The following TCFL5 variants were observed in gnomAD, a reference collection of about 807,000 sequenced individuals.
The protein encoded by TCFL5 is transcription factor-like 5 protein.
In TCFL5, 9 loss-of-function variants were observed where a neutral mutation model predicts 44.3. The observed-to-expected ratio is 0.20, with a 90% CI of 0.12 to 0.35. TCFL5 has a LOEUF of 0.35. TCFL5 is among the 10% of genes least tolerant of loss of function. TCFL5 has a pLI of 1.00. For missense variants in TCFL5, 603 were observed against 613.4 expected (o/e 0.98, Z 0.18); for synonymous variants, 319 against 271.6 (o/e 1.17, Z -1.72).
At chr20:62,851,029 G>C (rs2063803615) in intron 5 of TCFL5, among the ~76,000 whole-genome samples, 1 of 152,226 alleles carries the variant, frequency 6.6e-6, no homozygotes, top group Non-Finnish European at 1.5e-5. Context: ...ACCTTCAGCA[G>C]TGCCTGGTCA....
Position 62,857,378 on chromosome 20 carries a change from G to C in TCFL5, c.1238+17C>G, listed in dbSNP as rs201705784. 14 of 1,612,342 alleles carry C rather than the reference G, an allele frequency of 8.7e-6. No individual in the cohort carries two copies. The highest frequency in any genetic ancestry group is 1.2e-5 in the Non-Finnish European group (14 of 1,178,834). ...AATCATATATGAGTCAGCCTGACAA[G>C]CAGTCACACGTATTACCTTCTATCT... On this transcript the variant is annotated intron_variant, in intron 4 of 5. Transcript: ENST00000335351.
intron 1 of TCFL5, among the ~76,000 whole-genome samples, chr20:62,860,694 C>A (rs1274073300): frequency 6.6e-6 from 1 of 152,208 alleles, no homozygotes; most frequent in Non-Finnish European, 1.5e-5. Flanking sequence ...AGCCTGCAAA[C>A]CCCCGTCGGG....
intron 5 of TCFL5, among the ~76,000 whole-genome samples, chr20:62,843,199 T>C (rs981412750): frequency 6.6e-6 from 1 of 152,168 alleles, no homozygotes; most frequent in African/African-American, 2.4e-5. Context: ...TTAAAAACTA[T>C]CAACCAAATG....
chr20:62,857,645 G>C lies in TCFL5; in HGVS notation c.995-7C>G. ...TGTTTGCATAGCGCTGCTTCTTTGC[G>C]AAAGAAGAAAAAAGTGGTTTTTAAT... is the stretch of plus-strand genomic sequence containing the variant. On this transcript the variant is annotated splice_region_variant and splice_polypyrimidine_tract_variant and intron_variant, in intron 3 of 5. Transcript: ENST00000335351. 2 of 1,599,852 alleles carry C rather than the reference G, an allele frequency of 1.3e-6. No homozygotes were observed. Among genetic ancestry groups the C allele is most frequent in the Non-Finnish European group, 1.7e-6 (2 of 1,173,458 alleles).
Position 62,844,571 on chromosome 20 carries a change from G to T in TCFL5, c.1381-2474C>A, listed in dbSNP as rs1201194124. On this transcript the variant is annotated intron_variant, in intron 5 of 5. Transcript: ENST00000335351. ...CAACATTTTTTTTCTGTTTTTTTTT[G>T]TTTGTTTTTTGTTTTTTTTTTTTTG... 5.1e-4 allele frequency among the ~76,000 whole-genome samples: 70 copies of T among 136,598 alleles called. No individual in the cohort carries two copies. The Middle Eastern group carries it at 0.011, about 21-fold the overall frequency. 89.6% of individuals were successfully genotyped at this position (136,598 alleles called of 152,430 possible). A position where few individuals can be genotyped will look rare whatever the true frequency, so the allele number is the denominator to read the frequency against.
At chr20:62,848,068 C>A (rs1485754861) in intron 5 of TCFL5, among the ~76,000 whole-genome samples, 2 of 152,240 alleles carry the variant, frequency 1.3e-5, no homozygotes, top group Non-Finnish European at 2.9e-5. Context: ...GGAGAAGTCA[C>A]AGCGTGTCCG....
At chr20:62,856,086 T>C (rs1357432339) in intron 4 of TCFL5, among the ~76,000 whole-genome samples, 1 of 150,592 alleles carries the variant, frequency 6.6e-6, no homozygotes, top group Non-Finnish European at 1.5e-5. Flanking sequence ...TCATCTCTAC[T>C]AAAAGGTACA....
chr20:62,843,175 G>A (rs2063699029), intron 5 of TCFL5, among the ~76,000 whole-genome samples: 1 of 152,152 alleles, frequency 6.6e-6, no homozygotes, highest in Non-Finnish European at 1.5e-5. Context: ...GAACTATTAC[G>A]GGTTAAGATA....
intron 4 of TCFL5, among the ~76,000 whole-genome samples, chr20:62,856,351 T>C (rs1258581642): frequency 2.0e-5 from 3 of 149,858 alleles, no homozygotes; most frequent in Admixed American, 6.6e-5. Context: ...ACAAATAAAA[T>C]CTACAGACAA....
intron 1 of TCFL5, among the ~76,000 whole-genome samples, chr20:62,860,568 G>A (rs1308616913): frequency 2.6e-5 from 4 of 152,214 alleles, no homozygotes; most frequent in Admixed American, 1.3e-4. Flanking sequence ...GTGTGACCAC[G>A]ATGGGCAACT....
In TCFL5 at chr20:62,841,715, AATT is replaced by A. The variant is rs1568770935; in HGVS notation, c.*257_*259del. 7.2e-6 allele frequency: 2 copies of A among 276,174 alleles called. No homozygotes were observed. The highest frequency in any genetic ancestry group is 6.7e-5 in the East Asian group (1 of 14,868). 17.1% of individuals were successfully genotyped at this position (276,174 alleles called of 1,614,324 possible). A position where few individuals can be genotyped will look rare whatever the true frequency, so the allele number is the denominator to read the frequency against. On this transcript the variant is annotated 3_prime_UTR_variant, in exon 6 of 6. Transcript: ENST00000335351. The stretch of plus-strand genomic sequence containing the variant: ...TCAGAGCATTGAGAAAATGCTTACT[AATT>A]ATTACTAATTAATTATTACTAATTA...
Position 62,858,421 on chromosome 20 carries a change from G to C in TCFL5, c.995-783C>G, listed in dbSNP as rs577610946. 3.0e-4 allele frequency among the ~76,000 whole-genome samples: 45 copies of C among 152,374 alleles called. 1 individual carries two copies. The South Asian group carries it at 8.3e-3, about 28-fold the overall frequency. On this transcript the variant is annotated intron_variant, in intron 3 of 5. Transcript: ENST00000335351. ...TTCCTTAACCTGAGTAGTCGGCACA[G>C]AGGCTGCTTTAATACTCATCTTTGT...
chr20:62,861,050 G>T lies in TCFL5; in HGVS notation c.621C>A (p.Pro207=), dbSNP rs984862009. The T allele has an allele frequency of 2.7e-4, 269 of 995,338 alleles. 1 individual carries two copies. The highest frequency in any genetic ancestry group is 7.3e-4 in the Admixed American group (12 of 16,356). The allele number at this position is 995,338 out of a possible 1,614,324, so 61.7% of individuals were successfully genotyped here. A position where few individuals can be genotyped will look rare whatever the true frequency, so the allele number is the denominator to read the frequency against. Residue 207 remains proline, a synonymous_variant, in exon 1 of 6, where the codon CCC becomes CCA. Coordinates refer to ENST00000335351, the MANE Select transcript of TCFL5 (RefSeq NM_006602.4). The surrounding 1 kb of genome is among the most constrained non-coding windows in gnomAD (Gnocchi z 4.0). ...EPPPAPRGPE[P]PEPGGALNNL... ...TGTTGAGCGCCCCGCCCGGCTCGGG[G>T]GGCTCGGGGCCGCGCGGCGCGGGCG... is the stretch of plus-strand genomic sequence containing the variant.
chr20:62,859,034 A>G (rs761495429), intron 3 of TCFL5, among the ~76,000 whole-genome samples: 5 of 152,242 alleles, frequency 3.3e-5, no homozygotes, highest in African/African-American at 4.8e-5. Context: ...CTCATCGAGT[A>G]TAACATAAGG....
chr20:62,847,590 TC>T (rs2063759693), intron 5 of TCFL5, among the ~76,000 whole-genome samples: 2 of 152,206 alleles, frequency 1.3e-5, no homozygotes, highest in African/African-American at 4.8e-5. Flanking sequence ...CTTTTCTTTT[TC>T]AAGATGCTTT....
rs193288319 is a variant in TCFL5 at position 62,857,631 on chromosome 20, C to T, written c.1002G>A (p.Ala334=). The T allele has an allele frequency of 5.1e-5, 82 of 1,609,122 alleles. No homozygotes were observed. Among genetic ancestry groups the T allele is most frequent in the Middle Eastern group, 1.7e-4 (1 of 6,036 alleles). Residue 334 remains alanine (A), a synonymous_variant, in exon 4 of 6, where the codon GCG becomes GCA. Transcript: ENST00000335351. ...EQVWIKVGEA[A]LCKQALKRNR... ...TCCTCTTCAGTGCTTGTTTGCATAG[C>T]GCTGCTTCTTTGCGAAAGAAGAAAA...
Position 62,850,769 on chromosome 20 carries a change from T to TGGCA in TCFL5, c.1380+3243_1380+3246dup, listed in dbSNP as rs373111123. Among the ~76,000 whole-genome samples the TGGCA allele has an allele frequency of 3.2e-3, 481 of 152,324 alleles. 4 individuals are homozygous for TGGCA. Among genetic ancestry groups the TGGCA allele is most frequent in the African/African-American group, 0.011 (437 of 41,578 alleles). On this transcript the variant is annotated intron_variant, in intron 5 of 5. Coordinates refer to ENST00000335351, the MANE Select transcript of TCFL5 (RefSeq NM_006602.4). ...CGGTGCCCTGCCCAGCAACACTGGC[T>TGGCA]GGCAGGCAGGCACTCCTCAGACTCT...
intron 4 of TCFL5, among the ~76,000 whole-genome samples, chr20:62,854,929 CTT>C (rs1165735074): frequency 6.6e-6 from 1 of 152,206 alleles, no homozygotes; most frequent in Non-Finnish European, 1.5e-5. Flanking sequence ...GCGAAACACT[CTT>C]TACACATCAG....
At chr20:62,843,568 G>T (rs564863404) in intron 5 of TCFL5, among the ~76,000 whole-genome samples, 2 of 152,224 alleles carry the variant, frequency 1.3e-5, no homozygotes, top group South Asian at 2.1e-4. Context: ...CATTCTACAC[G>T]ATTAAATCCA....
Sources: gnomAD v4.1 joint callset for allele counts (sites outside exome capture counted in the v4.1 genomes callset) on GRCh38, gnomAD v4.1.1 for gene constraint, Gnocchi (gnomAD v3.1) non-coding constraint, MANE v1.5 for transcripts, NCBI Gene and HGNC (gene_info 2026-07-23, HGNC 2026-07-21) for gene names.